The following GPM6B variants were observed in gnomAD, a reference collection of about 807,000 sequenced individuals.
GPM6B encodes glycoprotein M6B.
GPM6B carries 4 observed loss-of-function variants against 27.2 expected under a neutral mutation model. That is an observed-to-expected ratio of 0.15 (90% CI 0.07 to 0.34). The LOEUF is 0.34. Among genes scored for constraint, GPM6B ranks in the 10% least tolerant of loss-of-function variants. The probability of loss-of-function intolerance (pLI) is 1.00; values close to 1 mark genes in which losing one functional copy is unlikely to be tolerated. For synonymous variants in GPM6B, 124 were observed against 103.1 expected (o/e 1.20, Z -1.23); for missense variants, 183 against 261.9 (o/e 0.70, Z 2.08).
intron 1 of GPM6B, among the ~76,000 whole-genome samples, chrX:13,856,376 T>C (rs1042496278): frequency 1.8e-5 from 2 of 111,769 alleles, no homozygotes; most frequent in Non-Finnish European, 3.8e-5. Context: ...AAGTGTGGGC[T>C]ACAACCAGCA....
Position 13,773,011 on chromosome X carries a change from A to C in GPM6B, c.857T>G (p.Leu286Arg). The C allele has an allele frequency of 8.3e-7, 1 of 1,210,428 alleles. No homozygotes were observed. The highest frequency in any genetic ancestry group is 1.1e-6 in the Non-Finnish European group (1 of 894,403). The change falls in exon 8 of 8, where the codon CTG (leucine) becomes CGG (arginine). Residue 286 changes from leucine (L) to arginine (R), a missense_variant. Transcript: ENST00000316715. ...VIALIHFLMI[L>R]SSNWAYLKDA... Reference sequence around the variant, plus strand: ...CTTTAAGTAAGCCCAGTTAGAAGACAGTATCATGAGGAAGTGGATCTGGAA... The same window carrying C: ...CTTTAAGTAAGCCCAGTTAGAAGACCGTATCATGAGGAAGTGGATCTGGAA...
chrX:13,897,762 G>A (rs141138082), intron 1 of GPM6B, among the ~76,000 whole-genome samples: 1,610 of 111,502 alleles, frequency 0.014, 26 homozygotes, highest in African/African-American at 0.049. Flanking sequence ...AGATGGGCTC[G>A]CTCGAACACC....
intron 1 of GPM6B, among the ~76,000 whole-genome samples, chrX:13,886,879 T>C (rs1394496421): frequency 9.0e-6 from 1 of 110,585 alleles, no homozygotes; most frequent in African/African-American, 3.3e-5. Context: ...TGCAGTAGCA[T>C]GATCATGGCT....
At chrX:13,931,443 G>A (rs978914891) in intron 1 of GPM6B, among the ~76,000 whole-genome samples, 18 of 105,020 alleles carry the variant, frequency 1.7e-4, no homozygotes, top group East Asian at 3.0e-4. Flanking sequence ...AGCCGAGATC[G>A]CACCACTGCA....
chrX:13,807,873 A>G (rs2049052375), intron 1 of GPM6B, 104 bp from the exon 2 acceptor site: 7 of 753,212 alleles, frequency 9.3e-6, no homozygotes, highest in Admixed American at 3.0e-5. Context: ...TGGGGAGTTT[A>G]AAAAATATGC....
At chrX:13,919,092 C>A (rs910301664) in intron 1 of GPM6B, among the ~76,000 whole-genome samples, 4 of 111,943 alleles carry the variant, frequency 3.6e-5, no homozygotes, top group African/African-American at 1.3e-4. Context: ...ACCAGCACAA[C>A]AGACATCACA....
At chrX:13,911,316 TAG>T (rs1334454420) in intron 1 of GPM6B, among the ~76,000 whole-genome samples, 1 of 112,033 alleles carries the variant, frequency 8.9e-6, no homozygotes, top group Admixed American at 9.5e-5. Context: ...CAAATTAGAA[TAG>T]AGTCATCTCT....
intron 1 of GPM6B, among the ~76,000 whole-genome samples, chrX:13,936,285 C>A (rs1175598874): frequency 8.9e-6 from 1 of 112,098 alleles, no homozygotes; most frequent in Non-Finnish European, 1.9e-5. Flanking sequence ...TTACACATAT[C>A]ACCACTACTC....
At chrX:13,810,473 C>T (rs928981228) in intron 1 of GPM6B, among the ~76,000 whole-genome samples, 4 of 111,374 alleles carry the variant, frequency 3.6e-5, no homozygotes, top group Middle Eastern at 4.6e-3. Flanking sequence ...AAGGGAGCAC[C>T]CTGGGACCCT....
intron 1 of GPM6B, among the ~76,000 whole-genome samples, chrX:13,845,267 G>C (rs1197857245): frequency 8.9e-6 from 1 of 111,884 alleles, no homozygotes; most frequent in East Asian, 2.8e-4. Flanking sequence ...CGGGATTACA[G>C]GCATGAGCCA....
intron 1 of GPM6B, among the ~76,000 whole-genome samples, chrX:13,876,962 G>T (rs2050039880): frequency 9.0e-6 from 1 of 111,103 alleles, no homozygotes; most frequent in Admixed American, 9.5e-5. Context: ...TCATGCAAGT[G>T]CACAGACAAG....
At chrX:13,874,941 C>A (rs1339847676) in intron 1 of GPM6B, among the ~76,000 whole-genome samples, 1 of 102,253 alleles carries the variant, frequency 9.8e-6, no homozygotes, top group Non-Finnish European at 2.0e-5. Flanking sequence ...TACCAATCCC[C>A]CCCCCACCCC....
intron 1 of GPM6B, among the ~76,000 whole-genome samples, chrX:13,916,177 C>G (rs1293874805): frequency 9.0e-6 from 1 of 110,984 alleles, no homozygotes; most frequent in Non-Finnish European, 1.9e-5. Flanking sequence ...TCTGAGCCAT[C>G]AAAAAAAGAT....
At chrX:13,871,625 T>C (rs2049979692) in intron 1 of GPM6B, among the ~76,000 whole-genome samples, 1 of 112,017 alleles carries the variant, frequency 8.9e-6, no homozygotes, top group African/African-American at 3.2e-5. Context: ...TTCAGTGAGA[T>C]CCAGGTGTTT....
At chrX:13,855,769 G>A (rs749317315) in intron 1 of GPM6B, among the ~76,000 whole-genome samples, 187 of 111,734 alleles carry the variant, frequency 1.7e-3, no homozygotes, top group African/African-American at 5.9e-3. Context: ...CCCTGGGACA[G>A]CCCCAATTTT....
intron 1 of GPM6B, among the ~76,000 whole-genome samples, chrX:13,897,776 C>T (rs1269474173): frequency 1.8e-5 from 2 of 111,835 alleles, no homozygotes; most frequent in Non-Finnish European, 3.8e-5. Context: ...GAACACCACT[C>T]CAATAAACAG....
intron 1 of GPM6B, among the ~76,000 whole-genome samples, chrX:13,891,227 C>T (rs1302668829): frequency 9.0e-6 from 1 of 111,507 alleles, no homozygotes; most frequent in African/African-American, 3.3e-5. Flanking sequence ...CAGCATTACC[C>T]GGAAGGTCAT....
intron 1 of GPM6B, among the ~76,000 whole-genome samples, chrX:13,816,243 G>A (rs893812541): frequency 9.0e-6 from 1 of 110,645 alleles, no homozygotes. Flanking sequence ...CAGTCTCCAA[G>A]TCATAATTAG....
chrX:13,885,424 A>G (rs936518013), intron 1 of GPM6B, among the ~76,000 whole-genome samples: 8 of 111,755 alleles, frequency 7.2e-5, no homozygotes, highest in Non-Finnish European at 1.3e-4. Context: ...GCCCCTGGCA[A>G]ATAGAAGCAT....
Sources: allele counts gnomAD v4.1 joint callset (sites outside exome capture counted in the v4.1 genomes callset), GRCh38; gene constraint gnomAD v4.1.1; transcripts MANE v1.5; gene names NCBI Gene and HGNC (gene_info 2026-07-23, HGNC 2026-07-21).